Variants in BMPR1B observed in about 807,000 individuals in gnomAD.
BMPR1B encodes bone morphogenetic protein receptor type 1B.
Under a neutral mutation model 59.1 loss-of-function variants are expected in BMPR1B, and 12 were observed. The ratio of observed to expected loss-of-function variants is 0.20; its 90% CI spans 0.13 to 0.33. The LOEUF (loss-of-function observed/expected upper bound fraction) is 0.33, where lower values mean the gene tolerates loss of function less well. Ranked by LOEUF, BMPR1B falls within the 10% of genes least tolerant of loss-of-function variation. The pLI, the probability that BMPR1B is intolerant of heterozygous loss-of-function variation, is 1.00. For synonymous variants in BMPR1B, 237 were observed against 207.3 expected (o/e 1.14, Z -1.23); for missense variants, 550 against 610.9 (o/e 0.90, Z 1.05).
intron 2 of BMPR1B, among the ~76,000 whole-genome samples, chr4:94,951,427 A>C (rs1230363979): frequency 1.3e-5 from 2 of 152,130 alleles, no homozygotes; most frequent in African/African-American, 4.8e-5. Flanking sequence ...AATAGCTCTT[A>C]TTATTTTGAG....
intron 3 of BMPR1B, among the ~76,000 whole-genome samples, chr4:95,079,307 C>T (rs1227168697): frequency 1.3e-5 from 2 of 152,140 alleles, no homozygotes; most frequent in Admixed American, 1.3e-4. Flanking sequence ...AGTTGTTCTA[C>T]GTACCTCAAG....
chr4:95,036,769 G>A (rs1409659277), intron 3 of BMPR1B, among the ~76,000 whole-genome samples: 1 of 142,340 alleles, frequency 7.0e-6, no homozygotes, highest in Non-Finnish European at 1.5e-5. Flanking sequence ...GGTAGCTCTA[G>A]TTTTAGTTTT....
chr4:94,960,028 T>C (rs11946254), intron 2 of BMPR1B, among the ~76,000 whole-genome samples: 70,558 of 151,942 alleles, frequency 0.46, 16,850 homozygotes, highest in South Asian at 0.6. Flanking sequence ...TCAACACATA[T>C]TGAATTACTG....
At chr4:95,138,334 T>G (rs1447810607) in intron 10 of BMPR1B, among the ~76,000 whole-genome samples, 2 of 152,202 alleles carry the variant, frequency 1.3e-5, no homozygotes, top group Non-Finnish European at 2.9e-5. Flanking sequence ...CTGACTGCCC[T>G]TAACATTTTT....
chr4:94,887,660 A>G (rs1727236686), intron 2 of BMPR1B, among the ~76,000 whole-genome samples: 1 of 151,954 alleles, frequency 6.6e-6, no homozygotes, highest in African/African-American at 2.4e-5. Flanking sequence ...TCAAATGAAA[A>G]TTAATAAGCG....
intron 1 of BMPR1B, among the ~76,000 whole-genome samples, chr4:94,759,883 C>T (rs72882298): frequency 0.017 from 2,660 of 152,214 alleles, 60 homozygotes; most frequent in African/African-American, 0.061. Context: ...GGAAACATAG[C>T]TGGGAAATTA....
chr4:94,975,469 C>T (rs1280079805), intron 2 of BMPR1B, among the ~76,000 whole-genome samples: 1 of 142,850 alleles, frequency 7.0e-6, no homozygotes, highest in African/African-American at 2.6e-5. Flanking sequence ...CTCAGGTGAT[C>T]CTCCCACCTC....
intron 1 of BMPR1B, among the ~76,000 whole-genome samples, chr4:94,801,843 G>T (rs538161750): frequency 3.2e-4 from 49 of 152,194 alleles, no homozygotes; most frequent in South Asian, 1.5e-3. Flanking sequence ...TGAAGTTTAC[G>T]ATTAAATAAA....
rs1284071742 is a variant in BMPR1B, at chr4:94,779,517, A to G, written c.-183+21449A>G. Among the ~76,000 whole-genome samples the G allele has an allele frequency of 3.9e-5, 6 of 152,144 alleles. No homozygotes were observed. The East Asian group carries it at 7.7e-4, about 20-fold the overall frequency. On this transcript the variant is annotated intron_variant, in intron 1 of 12. Transcript: ENST00000515059. ...AAGAATGATAACTGATCTAGATTTT[A>G]TATATACATTTATCATGTTGAGGTT... is the stretch of plus-strand genomic sequence containing the variant.
At chr4:95,086,195 T>C (rs1729561710) in intron 3 of BMPR1B, among the ~76,000 whole-genome samples, 1 of 152,218 alleles carries the variant, frequency 6.6e-6, no homozygotes, top group Non-Finnish European at 1.5e-5. Flanking sequence ...CATCATTTGA[T>C]AGCAAGAATC....
intron 2 of BMPR1B, among the ~76,000 whole-genome samples, chr4:94,922,364 A>G (rs891287929): frequency 6.6e-6 from 1 of 152,114 alleles, no homozygotes; most frequent in Non-Finnish European, 1.5e-5. Context: ...AGAGATGCCT[A>G]TATGTCATTC....
chr4:95,111,630 G>C (rs1458587965), intron 4 of BMPR1B, among the ~76,000 whole-genome samples: 1 of 152,056 alleles, frequency 6.6e-6, no homozygotes, highest in Non-Finnish European at 1.5e-5. Context: ...TACCTAAAAA[G>C]AGTATCGCTT....
chr4:95,077,841 A>T (rs1260898228), intron 3 of BMPR1B, among the ~76,000 whole-genome samples: 2 of 152,234 alleles, frequency 1.3e-5, no homozygotes, highest in African/African-American at 4.8e-5. Context: ...ACAAGATGTA[A>T]TGCAAATATA....
intron 3 of BMPR1B, among the ~76,000 whole-genome samples, chr4:95,028,763 A>G (rs945210836): frequency 9.9e-5 from 15 of 152,120 alleles, no homozygotes; most frequent in Admixed American, 6.6e-5. Flanking sequence ...AAGATACTAG[A>G]AATCTACCGT....
At chr4:95,038,634 T>C (rs1725433139) in intron 3 of BMPR1B, among the ~76,000 whole-genome samples, 1 of 152,242 alleles carries the variant, frequency 6.6e-6, no homozygotes, top group Non-Finnish European at 1.5e-5. Context: ...AATTTCTGAT[T>C]ATACACATAC....
intron 1 of BMPR1B, among the ~76,000 whole-genome samples, chr4:94,781,870 A>G (rs1164387899): frequency 6.6e-6 from 1 of 152,044 alleles, no homozygotes; most frequent in Non-Finnish European, 1.5e-5. Context: ...GGTTAACCTC[A>G]TTGCAGTTTC....
At chr4:95,071,646 G>GTATATATATATATATA (rs1179814583) in intron 3 of BMPR1B, among the ~76,000 whole-genome samples, 59 of 86,526 alleles carry the variant, frequency 6.8e-4, no homozygotes, top group African/African-American at 2.8e-3. Context: ...GTGTGTGTGT[G>GTATATATATATATATA]TGTGTGTATA....
At chr4:94,999,961 A>T (rs1290074399) in intron 3 of BMPR1B, among the ~76,000 whole-genome samples, 1 of 152,198 alleles carries the variant, frequency 6.6e-6, no homozygotes, top group Non-Finnish European at 1.5e-5. Flanking sequence ...GTGAAATAGC[A>T]GCTGTTTCTT....
chr4:94,996,731 G>A (rs1313395021), intron 3 of BMPR1B, among the ~76,000 whole-genome samples: 1 of 151,788 alleles, frequency 6.6e-6, no homozygotes, highest in Non-Finnish European at 1.5e-5. Context: ...GGCAAGCACT[G>A]AGGAGAAGTT....
Sources: allele counts gnomAD v4.1 joint callset (sites outside exome capture counted in the v4.1 genomes callset), GRCh38; gene constraint gnomAD v4.1.1; transcripts MANE v1.5; gene names NCBI Gene and HGNC (gene_info 2026-07-23, HGNC 2026-07-21).